The following ACTN2 variants were observed in gnomAD, a reference collection of about 807,000 sequenced individuals.
ACTN2 encodes the protein alpha-actinin-2.
ACTN2 carries 39 observed loss-of-function variants against 113.8 expected under a neutral mutation model. The ratio of observed to expected loss-of-function variants is 0.34; its 90% CI spans 0.27 to 0.45. The LOEUF (loss-of-function observed/expected upper bound fraction) is 0.45, where lower values mean the gene tolerates loss of function less well. Among genes scored for constraint, ACTN2 ranks in the 20% least tolerant of loss-of-function variants. The pLI, the probability that ACTN2 is intolerant of heterozygous loss-of-function variation, is 1.00. For synonymous variants in ACTN2, 429 were observed against 444.1 expected, an observed-to-expected ratio of 0.97 and a Z score of 0.43; for missense variants, 992 against 1,177.9, an observed-to-expected ratio of 0.84 and a Z score of 2.31.
intron 18 of ACTN2, among the ~76,000 whole-genome samples, chr1:236,758,723 G>A (rs1289681721): frequency 1.3e-5 from 2 of 148,786 alleles, no homozygotes; most frequent in African/African-American, 2.5e-5. Flanking sequence ...AGGTTCAAGC[G>A]ATTATCCTGC....
At chr1:236,727,846 A>G in intron 6 of ACTN2, 90 bp downstream of exon 6, 1 of 1,267,384 alleles carries the variant, frequency 7.9e-7, no homozygotes. Flanking sequence ...CCTAGCACAA[A>G]CCCCAGGGCC....
chr1:236,729,615 G>A (rs955948917), intron 6 of ACTN2, among the ~76,000 whole-genome samples: 1 of 152,186 alleles, frequency 6.6e-6, no homozygotes, highest in African/African-American at 2.4e-5. Flanking sequence ...GGCATACAGG[G>A]TAGCATGTGA....
rs199910162 is a variant in ACTN2, at chr1:236,717,885, C to T, written c.154C>T (p.Leu52=). 3.7e-5 allele frequency: 59 copies of T among 1,614,092 alleles called. No individual in the cohort carries two copies. In the South Asian group the frequency reaches 5.2e-4, roughly 14 times the overall value. ...CTTCACTGCCTGGTGTAACTCCCAC[C>T]TAAGGAAAGCCGGCACCCAGATTGA... ...KTFTAWCNSH[L]RKAGTQIENI... is the part of the protein sequence containing the mutation. The change falls in exon 2 of 21, where the codon CTA becomes TTA. Residue 52 remains leucine, a synonymous_variant. Coordinates refer to ENST00000366578, the MANE Select transcript of ACTN2 (RefSeq NM_001103.4).
At chr1:236,735,299 C>A (rs1439943176) in intron 7 of ACTN2, among the ~76,000 whole-genome samples, 1 of 152,142 alleles carries the variant, frequency 6.6e-6, no homozygotes, top group East Asian at 1.9e-4. Flanking sequence ...GGACCGGAGT[C>A]ACGAGGAAGG....
intron 7 of ACTN2, among the ~76,000 whole-genome samples, chr1:236,733,045 C>G (rs1397277990): frequency 1.3e-5 from 2 of 152,198 alleles, no homozygotes; most frequent in Non-Finnish European, 2.9e-5. Flanking sequence ...TATAGTTTCT[C>G]TAAAAGTCAT....
Position 236,751,562 on chromosome 1 carries a change from G to A in ACTN2, c.1749G>A (p.Glu583=), listed in dbSNP as rs748367953. Residue 583 remains glutamate (E), a synonymous_variant, in exon 15 of 21, where the codon GAG becomes GAA. Transcript: ENST00000366578. ...QSIMAIQNEV[E]KVIQSYNIRI... is the part of the protein sequence containing the mutation. ...TCATGGCCATCCAGAACGAGGTGGA[G>A]AAGGTGATTCAGAGCTACAACATCA... is the stretch of plus-strand genomic sequence containing the variant. 10 of 1,614,140 alleles carry A rather than the reference G, an allele frequency of 6.2e-6. No homozygotes were observed. Among genetic ancestry groups the A allele is most frequent in the South Asian group, 1.1e-5 (1 of 91,080 alleles).
At chr1:236,725,461 C>T (rs1658519502) in intron 4 of ACTN2, among the ~76,000 whole-genome samples, 1 of 152,040 alleles carries the variant, frequency 6.6e-6, no homozygotes, top group Non-Finnish European at 1.5e-5. Context: ...AATCCTGTCT[C>T]TACTAAAAAT....
intron 1 of ACTN2, among the ~76,000 whole-genome samples, chr1:236,703,624 CAT>C (rs1657740243): frequency 6.6e-6 from 1 of 151,306 alleles, no homozygotes; most frequent in South Asian, 2.1e-4. Flanking sequence ...TCATCAGGAT[CAT>C]TTGCTAACCC....
chr1:236,747,822 C>CT, intron 13 of ACTN2, 47 bp downstream of exon 13: 1 of 1,400,608 alleles, frequency 7.1e-7, no homozygotes, highest in Non-Finnish European at 1.0e-6. Flanking sequence ...TTAATAGAAG[C>CT]TCTTTAATTA....
chr1:236,718,749 G>A, intron 2 of ACTN2, 145 bp from the exon 3 acceptor site: 2 of 1,157,756 alleles, frequency 1.7e-6, no homozygotes, highest in Non-Finnish European at 2.5e-6. Context: ...TCATTGCTGT[G>A]ATTTAGAGAG....
chr1:236,697,428 T>G (rs1572095670), intron 1 of ACTN2, among the ~76,000 whole-genome samples: 1 of 152,176 alleles, frequency 6.6e-6, no homozygotes, highest in South Asian at 2.1e-4. Flanking sequence ...ACATATGCAA[T>G]GGCTGCAACT....
intron 1 of ACTN2, among the ~76,000 whole-genome samples, chr1:236,715,546 T>G (rs752758008): frequency 4.6e-5 from 7 of 152,128 alleles, no homozygotes; most frequent in Middle Eastern, 3.2e-3. Context: ...TTTGATCACT[T>G]AAAACATGAC....
At chr1:236,693,580 C>T (rs993864972) in intron 1 of ACTN2, among the ~76,000 whole-genome samples, 1 of 152,152 alleles carries the variant, frequency 6.6e-6, no homozygotes, top group Non-Finnish European at 1.5e-5. Context: ...GAGTGTTACC[C>T]TTGCCCCCTC....
In ACTN2 at chr1:236,686,592, C is replaced by CCGCCCGA; in HGVS notation, c.-78_-77insCGACGCC. 1 of 1,414,500 alleles carries CCGCCCGA rather than the reference C, an allele frequency of 7.1e-7. No individual in the cohort carries two copies. 87.6% of individuals were successfully genotyped at this position (1,414,500 alleles called of 1,614,324 possible). ...CCCCGCGCCCGCCGCCCGCCGCCCG[C>CCGCCCGA]CGCCTCCGTGGGTCCGTTTGCCAGT... On this transcript the variant is annotated 5_prime_UTR_variant, in exon 1 of 21. Transcript: ENST00000366578.
At chr1:236,721,750 T>C (rs1444068887) in intron 4 of ACTN2, among the ~76,000 whole-genome samples, 1 of 152,246 alleles carries the variant, frequency 6.6e-6, no homozygotes, top group Non-Finnish European at 1.5e-5. Context: ...ATACTACTTT[T>C]AGAAATCTTG....
chr1:236,724,176 G>A (rs758685451), intron 4 of ACTN2, among the ~76,000 whole-genome samples: 19 of 149,856 alleles, frequency 1.3e-4, no homozygotes, highest in East Asian at 6.0e-4. Context: ...TTGATGTGCC[G>A]CACGTGGTGG....
At position 236,739,394 on chromosome 1, in the gene ACTN2, C is replaced by G; in HGVS notation, c.969C>G (p.Phe323Leu). 6.2e-7 allele frequency: 1 copy of G among 1,614,084 alleles called. No homozygotes were observed. The highest frequency in any genetic ancestry group is 8.5e-7 in the Non-Finnish European group (1 of 1,180,030). The change falls in exon 10 of 21, where the codon TTC (phenylalanine) becomes TTG (leucine). Residue 323 changes from phenylalanine to leucine, a missense_variant. Around this residue, in one of 3 missense-constraint regions of ACTN2, gnomAD observed 736 missense variants for 815.4 expected, o/e 0.90. Coordinates refer to ENST00000366578, the MANE Select transcript of ACTN2 (RefSeq NM_001103.4). ...MQAMQKKLED[F>L]RDYRRKHKPP... ...CCATGCAGAAGAAGCTGGAGGACTT[C>G]CGGGATTACCGCCGGAAGCACAAGC...
At chr1:236,743,354 C>T (rs746549364) in intron 11 of ACTN2, among the ~76,000 whole-genome samples, 3 of 152,222 alleles carry the variant, frequency 2.0e-5, no homozygotes, top group Non-Finnish European at 4.4e-5. Context: ...CACTCATTCC[C>T]TAACTGGTAG....
chr1:236,735,811 C>A, intron 8 of ACTN2, 91 bp downstream of exon 8: 2 of 1,117,250 alleles, frequency 1.8e-6, no homozygotes, highest in Non-Finnish European at 2.7e-6. Flanking sequence ...GTGCGCTTCA[C>A]ATCTTACCTT....
Sources: allele counts gnomAD v4.1 joint callset (sites outside exome capture counted in the v4.1 genomes callset), GRCh38; gene constraint gnomAD v4.1.1; regional missense constraint gnomAD v4.1.1; transcripts MANE v1.5; gene names NCBI Gene and HGNC (gene_info 2026-07-23, HGNC 2026-07-21).